MED22: variants seen among roughly 807,000 people sequenced by gnomAD.
MED22 encodes the protein mediator complex subunit 22, also known as mediator of RNA polymerase II transcription subunit 22.
Under a neutral mutation model 22.7 loss-of-function variants are expected in MED22, and 22 were observed. That is an observed-to-expected ratio of 0.97 (90% CI 0.69 to 1.38). The LOEUF (loss-of-function observed/expected upper bound fraction) is 1.38. MED22 is among the 40% of genes most tolerant of loss of function. The pLI, the probability that MED22 is intolerant of heterozygous loss-of-function variation, is 0.00. For synonymous variants in MED22, 134 were observed against 119.4 expected (o/e 1.12, Z -0.80); for missense variants, 247 against 263.0 (o/e 0.94, Z 0.42).
chr9:133,346,421 C>T, intron 2 of MED22, 119 bp downstream of exon 2: 1 of 1,292,072 alleles, frequency 7.7e-7, no homozygotes, highest in Non-Finnish European at 1.1e-6. Context: ...GACCAGCTCC[C>T]TGTGCACTGG....
At position 133,346,685 on chromosome 9, in the gene MED22, C is replaced by A; in HGVS notation, c.-23G>T. On this transcript the variant is annotated 5_prime_UTR_variant, in exon 2 of 5. Transcript: ENST00000343730. ...CATGGCCGAGCCTCAAGCAGCGCAG[C>A]GGGGAGACCTGGGACCTAGAGTGCA... is the stretch of plus-strand genomic sequence containing the variant. 6.2e-7 allele frequency: 1 copy of A among 1,608,534 alleles called. No homozygotes were observed. The highest frequency in any genetic ancestry group is 8.5e-7 in the Non-Finnish European group (1 of 1,179,604).
intron 4 of MED22, chr9:133,343,192 CTG>C (rs1836064586): frequency 1.8e-6 from 2 of 1,100,742 alleles, no homozygotes; most frequent in Admixed American, 5.1e-5. Flanking sequence ...CTCTGGATAT[CTG>C]TGGCTCCCAG....
chr9:133,341,477 C>A lies in MED22; in HGVS notation c.*28G>T. ...CCAAAGGGCTGCCTCAGGTTTTGTTCCTGAGAACGAAGCGTGGCCCCGGAG... is the reference window on the plus strand; with the variant it reads ...CCAAAGGGCTGCCTCAGGTTTTGTTACTGAGAACGAAGCGTGGCCCCGGAG... On this transcript the variant is annotated 3_prime_UTR_variant, in exon 5 of 5. Transcript: ENST00000343730. The A allele has an allele frequency of 6.8e-7, 1 of 1,465,324 alleles. No individual in the cohort carries two copies. The highest frequency in any genetic ancestry group is 1.5e-5 in the South Asian group (1 of 65,664). 90.8% of individuals were successfully genotyped at this position (1,465,324 alleles called of 1,614,324 possible). A position where few individuals can be genotyped will look rare whatever the true frequency, so the allele number is the denominator to read the frequency against.
Position 133,341,122 on chromosome 9 carries a change from A to G in MED22, c.*383T>C, listed in dbSNP as rs1835990311. 1 of 173,916 alleles carries G rather than the reference A, an allele frequency of 5.7e-6. No homozygotes were observed. The highest frequency in any genetic ancestry group is 1.2e-5 in the Non-Finnish European group (1 of 82,476). The allele number at this position is 173,916 out of a possible 1,614,324, so 10.8% of individuals were successfully genotyped here. A position where few individuals can be genotyped will look rare whatever the true frequency, so the allele number is the denominator to read the frequency against. On this transcript the variant is annotated 3_prime_UTR_variant, in exon 5 of 5. Transcript: ENST00000343730. ...GGATGGGAGACCCGGCCTGCCCAACACTGCTCAGAGCCCCTCCCAACTCTG... is the reference window on the plus strand; with the variant it reads ...GGATGGGAGACCCGGCCTGCCCAACGCTGCTCAGAGCCCCTCCCAACTCTG...
chr9:133,341,517 A>G lies in MED22; in HGVS notation c.591T>C (p.Thr197=), dbSNP rs1180548111. ...AHSHAGGPGP[T]EHA ...TGGCCCCGGAGGCTCAGGCGTGCTC[A>G]GTGGGGCCAGGGCCACCAGCATGGG... is the stretch of plus-strand genomic sequence containing the variant. Residue 197 remains threonine (T), a synonymous_variant, in exon 5 of 5, where the codon ACT becomes ACC. Transcript: ENST00000343730. 2 of 1,518,174 alleles carry G rather than the reference A, an allele frequency of 1.3e-6. No individual in the cohort carries two copies. The allele number at this position is 1,518,174 out of a possible 1,614,324, so 94.0% of individuals were successfully genotyped here.
In MED22 at chr9:133,346,601, C is replaced by T. The variant is rs2129969022; in HGVS notation, c.62G>A (p.Arg21Gln). ...GATGGACTTAATGTCGTCCTTCAGC[C>T]GCTTGTTGTAGGACTGCAGCAGCGT... ...KETLLQSYNK[R>Q]LKDDIKSIMD... is the part of the protein sequence containing the mutation. Residue 21 changes from arginine (R) to glutamine (Q), a missense_variant, in exon 2 of 5, where the codon CGG (arginine) becomes CAG (glutamine). Physicochemically the swap from Arg to Gln is conservative, Grantham distance 43 (BLOSUM62 1). Transcript: ENST00000343730. 5 of 1,613,074 alleles carry T rather than the reference C, an allele frequency of 3.1e-6. No homozygotes were observed. The highest frequency in any genetic ancestry group is 4.2e-6 in the Non-Finnish European group (5 of 1,180,014).
chr9:133,341,658 G>A lies in MED22; in HGVS notation c.450C>T (p.Cys150=), dbSNP rs2129949951. 2 of 1,608,176 alleles carry A rather than the reference G, an allele frequency of 1.2e-6. No individual in the cohort carries two copies. Among genetic ancestry groups the A allele is most frequent in the South Asian group, 1.1e-5 (1 of 90,156 alleles). ...SLCEANDLPL[C]EAYGRLDLDT... is the part of the protein sequence containing the mutation. Reference sequence around the variant, plus strand: ...CGAGGTCCAGCCTCCCGTAAGCTTCGCACAGAGGCAGGTCATTAGCTTCGC... The same window carrying A: ...CGAGGTCCAGCCTCCCGTAAGCTTCACACAGAGGCAGGTCATTAGCTTCGC... Residue 150 remains cysteine (C), a synonymous_variant, in exon 5 of 5, where the codon TGC becomes TGT. Transcript: ENST00000343730.
In MED22 at chr9:133,341,387, G is replaced by A. The variant is rs1352873360; in HGVS notation, c.*118C>T. Reference sequence around the variant, plus strand: ...ACGGGCTTCCCAAGGAAGTCCTAGTGGCTCTGGGGTCCTGAAGTCCCCAAA... The same window carrying A: ...ACGGGCTTCCCAAGGAAGTCCTAGTAGCTCTGGGGTCCTGAAGTCCCCAAA... On this transcript the variant is annotated 3_prime_UTR_variant, in exon 5 of 5. Coordinates refer to ENST00000343730, the MANE Select transcript of MED22 (RefSeq NM_133640.5). 3 of 1,143,766 alleles carry A rather than the reference G, an allele frequency of 2.6e-6. No individual in the cohort carries two copies. In the African/African-American group the frequency reaches 4.9e-5, roughly 19 times the overall value. 70.9% of individuals were successfully genotyped at this position (1,143,766 alleles called of 1,614,324 possible).
At chr9:133,342,428 G>A in intron 4 of MED22, 1 of 985,980 alleles carries the variant, frequency 1.0e-6, no homozygotes, top group Non-Finnish European at 1.2e-6. Flanking sequence ...TCAGTGTTCA[G>A]TCTCAGAACC....
In MED22 at chr9:133,341,782, A is replaced by C. The variant is rs1836012818; in HGVS notation, c.414-88T>G. The C allele has an allele frequency of 3.2e-6, 5 of 1,538,934 alleles. No individual in the cohort carries two copies. The Middle Eastern group carries it at 6.9e-4, about 213-fold the overall frequency. On this transcript the variant is annotated intron_variant, in intron 4 of 4. Coordinates refer to ENST00000343730, the MANE Select transcript of MED22 (RefSeq NM_133640.5). ...GGGAGAGCAAGACAGAAGCAGAGTT[A>C]AGAAAACACGACCACACCCCAGACC... is the stretch of plus-strand genomic sequence containing the variant.
rs1040724892 is a variant in MED22 at position 133,342,604 on chromosome 9, G to T, written c.414-910C>A. 22 of 986,302 alleles carry T rather than the reference G, an allele frequency of 2.2e-5. No homozygotes were observed. The African/African-American group carries it at 3.5e-4, about 16-fold the overall frequency. The allele number at this position is 986,302 out of a possible 1,614,324, so 61.1% of individuals were successfully genotyped here. A position where few individuals can be genotyped will look rare whatever the true frequency, so the allele number is the denominator to read the frequency against. ...GCCCTTTGGGGGACCAGCAAGAAGGGGCAGAGGAAACTCGGCCAGGACCTG... is the reference window on the plus strand; with the variant it reads ...GCCCTTTGGGGGACCAGCAAGAAGGTGCAGAGGAAACTCGGCCAGGACCTG... On this transcript the variant is annotated intron_variant, in intron 4 of 4. Coordinates refer to ENST00000343730, the MANE Select transcript of MED22 (RefSeq NM_133640.5).
At chr9:133,341,865 A>G (rs2129951357) in intron 4 of MED22, 171 bp from the exon 5 acceptor site, 1 of 1,389,694 alleles carries the variant, frequency 7.2e-7, no homozygotes, top group Non-Finnish European at 9.2e-7. Context: ...AGGCCTGGCA[A>G]GGAGAGGCGG....
chr9:133,344,473 T>C (rs985596050), intron 3 of MED22, 140 bp from the exon 4 acceptor site: 2 of 766,860 alleles, frequency 2.6e-6, no homozygotes, highest in African/African-American at 3.4e-5. Flanking sequence ...ACCCCTGACC[T>C]CCACAGGTTC....
chr9:133,343,491 T>A (rs1836075750), intron 4 of MED22: 1 of 1,235,224 alleles, frequency 8.1e-7, no homozygotes, highest in African/African-American at 1.6e-5. Context: ...TTGACCCTTC[T>A]GCATCCCTGG....
intron 2 of MED22, 50 bp from the exon 3 acceptor site, chr9:133,345,302 A>C (rs2129964763): frequency 1.9e-6 from 3 of 1,549,890 alleles, no homozygotes; most frequent in African/African-American, 3.6e-5. Context: ...AGGCATCCCC[A>C]CCCCTGGCCC....
At position 133,344,154 on chromosome 9, in the gene MED22, G is replaced by A. The variant is rs2129959849; in HGVS notation, c.384C>T (p.Tyr128=). ...TLRDEISIDL[Y]ELEEEYYSSS... ...ACGAGTAATACTCCTCCTCCAGCTC[G>A]TAGAGGTCAATGGAGATCTCGTCTC... The change falls in exon 4 of 5, where the codon TAC becomes TAT. Residue 128 remains tyrosine (Y), a synonymous_variant. Transcript: ENST00000343730. 22 of 1,614,072 alleles carry A rather than the reference G, an allele frequency of 1.4e-5. No individual in the cohort carries two copies. Among genetic ancestry groups the A allele is most frequent in the South Asian group, 1.1e-4 (10 of 91,094 alleles).
chr9:133,338,569 G>T lies in MED22; in HGVS notation c.*2936C>A, dbSNP rs1225589685. On this transcript the variant is annotated 3_prime_UTR_variant, in exon 5 of 5. Transcript: ENST00000343730. ...GATCTGCCCGCCTCGGCCTCCCAAA[G>T]TGCTGGGATTACAGGCGTGAGCCAC... is the stretch of plus-strand genomic sequence containing the variant. 1.1e-5 allele frequency: 2 copies of T among 177,256 alleles called. No individual in the cohort carries two copies. The highest frequency in any genetic ancestry group is 2.4e-5 in the Non-Finnish European group (2 of 82,300). 11.0% of individuals were successfully genotyped at this position (177,256 alleles called of 1,614,324 possible).
Position 133,339,687 on chromosome 9 carries a change from TG to T in MED22, c.*1817del. On this transcript the variant is annotated 3_prime_UTR_variant, in exon 5 of 5. Transcript: ENST00000343730. ...TCCACTGCCCTCAAAATAAAAAGCT[TG>T]GGATAAAAGAGTTACATGGACTGAG... 2 of 323,690 alleles carry T rather than the reference TG, an allele frequency of 6.2e-6. No individual in the cohort carries two copies. Among genetic ancestry groups the T allele is most frequent in the Non-Finnish European group, 1.2e-5 (2 of 171,544 alleles). The allele number at this position is 323,690 out of a possible 1,614,324, so 20.1% of individuals were successfully genotyped here. A position where few individuals can be genotyped will look rare whatever the true frequency, so the allele number is the denominator to read the frequency against.
rs1835967129 is a variant in MED22, at chr9:133,340,025, C to T, written c.*1480G>A. On this transcript the variant is annotated 3_prime_UTR_variant, in exon 5 of 5. Coordinates refer to ENST00000343730, the MANE Select transcript of MED22 (RefSeq NM_133640.5). ...TTTTAGGAACAGGGTAAGTGGGATCCCACCACAAAGTCTGGCCAGTTCCTT... is the reference window on the plus strand; with the variant it reads ...TTTTAGGAACAGGGTAAGTGGGATCTCACCACAAAGTCTGGCCAGTTCCTT... 1 of 152,396 alleles carries T rather than the reference C, an allele frequency of 6.6e-6. No homozygotes were observed. Among genetic ancestry groups the T allele is most frequent in the Admixed American group, 6.5e-5 (1 of 15,280 alleles). 9.4% of individuals were successfully genotyped at this position (152,396 alleles called of 1,614,324 possible). A position where few individuals can be genotyped will look rare whatever the true frequency, so the allele number is the denominator to read the frequency against.
Sources: gnomAD v4.1 joint callset for allele counts on GRCh38, gnomAD v4.1.1 for gene constraint, MANE v1.5 for transcripts, NCBI Gene and HGNC (gene_info 2026-07-23, HGNC 2026-07-21) for gene names.